Variants in DCDC1 observed in about 807,000 individuals in gnomAD.
DCDC1 encodes the protein doublecortin domain containing 1.
In DCDC1, 200 loss-of-function variants were observed where a neutral mutation model predicts 178.3. The ratio of observed to expected loss-of-function variants is 1.12; its 90% CI spans 1.00 to 1.26. The LOEUF is 1.26. Ranked by LOEUF, DCDC1 falls within the 50% of genes most tolerant of loss-of-function variation. The probability of loss-of-function intolerance (pLI) is 0.00; values close to 1 mark genes in which losing one functional copy is unlikely to be tolerated. For synonymous variants in DCDC1, 690 were observed against 604.8 expected (o/e 1.14, Z -2.07); for missense variants, 1,983 against 1,749.2 (o/e 1.13, Z -2.38).
At chr11:30,959,589 C>A (rs1948971112) in intron 20 of DCDC1, among the ~76,000 whole-genome samples, 1 of 152,120 alleles carries the variant, frequency 6.6e-6, no homozygotes, top group Non-Finnish European at 1.5e-5. Context: ...CTTCTTGGAG[C>A]TGACCAGTCA....
intron 22 of DCDC1, among the ~76,000 whole-genome samples, chr11:30,930,141 C>T (rs1946840502): frequency 6.6e-6 from 1 of 152,112 alleles, no homozygotes; most frequent in South Asian, 2.1e-4. Context: ...TAATATATGT[C>T]ACTAGAAGTT....
chr11:30,976,418 T>C (rs1474633158), intron 20 of DCDC1, among the ~76,000 whole-genome samples: 8 of 152,060 alleles, frequency 5.3e-5, no homozygotes, highest in African/African-American at 1.9e-4. Context: ...GGAGAAAATA[T>C]TTGCAAACTA....
intron 18 of DCDC1, among the ~76,000 whole-genome samples, chr11:31,070,235 C>T (rs1449121649): frequency 6.6e-6 from 1 of 152,178 alleles, no homozygotes; most frequent in South Asian, 2.1e-4. Context: ...ATCAGACCAC[C>T]AATACAGACA....
chr11:30,916,633 T>C (rs1208770322), intron 26 of DCDC1, among the ~76,000 whole-genome samples: 2 of 151,984 alleles, frequency 1.3e-5, no homozygotes, highest in Admixed American at 6.6e-5. Context: ...TACTGTTTAA[T>C]AGAAAAAAAC....
intron 20 of DCDC1, among the ~76,000 whole-genome samples, chr11:31,039,832 T>C (rs971136879): frequency 6.6e-6 from 1 of 152,182 alleles, no homozygotes; most frequent in African/African-American, 2.4e-5. Flanking sequence ...TGGCTCGTGA[T>C]AGTTGTTTCA....
chr11:30,876,246 T>G (rs1565011869), intron 38 of DCDC1, among the ~76,000 whole-genome samples: 1 of 152,220 alleles, frequency 6.6e-6, no homozygotes, highest in Non-Finnish European at 1.5e-5. Flanking sequence ...GATTCAAATT[T>G]GATAAACATG....
Position 31,012,401 on chromosome 11 carries a change from G to A in DCDC1, c.2591+52068C>T, listed in dbSNP as rs574291912. ...TCACTTGAGCCCAGGAGGAGTTAGA[G>A]ACCAGCCTGGGTAACACAGTGAGAC... On this transcript the variant is annotated intron_variant, in intron 20 of 38. Coordinates refer to ENST00000684477, the MANE Select transcript of DCDC1 (RefSeq NM_001387274.1). Among the ~76,000 whole-genome samples the A allele has an allele frequency of 1.4e-4, 21 of 152,140 alleles. No homozygotes were observed. The South Asian group carries it at 3.9e-3, about 29-fold the overall frequency.
chr11:31,009,505 G>C (rs890744831), intron 20 of DCDC1, among the ~76,000 whole-genome samples: 1 of 151,700 alleles, frequency 6.6e-6, no homozygotes, highest in Non-Finnish European at 1.5e-5. Flanking sequence ...TGTCTATGGA[G>C]GCTGAGAAAT....
At chr11:30,976,954 CG>C (rs892210426) in intron 20 of DCDC1, among the ~76,000 whole-genome samples, 1 of 151,866 alleles carries the variant, frequency 6.6e-6, no homozygotes, top group East Asian at 1.9e-4. Flanking sequence ...GTGGACAAAT[CG>C]ACAAAGAAAA....
intron 18 of DCDC1, among the ~76,000 whole-genome samples, chr11:31,076,301 T>A (rs1314902374): frequency 6.6e-6 from 1 of 152,198 alleles, no homozygotes; most frequent in African/African-American, 2.4e-5. Flanking sequence ...TATAATTCTT[T>A]CAATGAAAAT....
chr11:31,173,443 C>T, intron 9 of DCDC1, among the ~76,000 whole-genome samples: 1 of 152,102 alleles, frequency 6.6e-6, no homozygotes, highest in Non-Finnish European at 1.5e-5. Flanking sequence ...ATTTTAAGTT[C>T]TCCAACACTT....
At chr11:31,333,704 G>C (rs562889331) in intron 2 of DCDC1, among the ~76,000 whole-genome samples, 2 of 152,220 alleles carry the variant, frequency 1.3e-5, no homozygotes, top group Admixed American at 1.3e-4. Context: ...ATGAATATTG[G>C]ACCCCACACT....
intron 20 of DCDC1, among the ~76,000 whole-genome samples, chr11:31,020,411 C>T (rs1402333366): frequency 2.0e-5 from 3 of 152,156 alleles, no homozygotes; most frequent in South Asian, 4.2e-4. Context: ...AAACAGCACC[C>T]ATGACAACTC....
At chr11:31,343,936 T>C (rs1950682981) in intron 1 of DCDC1, among the ~76,000 whole-genome samples, 1 of 151,684 alleles carries the variant, frequency 6.6e-6, no homozygotes, top group East Asian at 1.9e-4. Flanking sequence ...AATAAATAAA[T>C]AAATAAATAA....
intron 20 of DCDC1, among the ~76,000 whole-genome samples, chr11:31,017,936 T>C (rs983139035): frequency 1.7e-4 from 26 of 152,200 alleles, no homozygotes; most frequent in Non-Finnish European, 7.3e-5. Context: ...GAATAAGCAA[T>C]AAGATCGGAT....
intron 33 of DCDC1, 67 bp downstream of exon 33, chr11:30,900,279 G>A: frequency 7.8e-7 from 1 of 1,279,136 alleles, no homozygotes; most frequent in Non-Finnish European, 1.0e-6. Flanking sequence ...TTCTTATGAT[G>A]GCATAAAATG....
At chr11:31,034,145 A>AAAG (rs1953863495) in intron 20 of DCDC1, among the ~76,000 whole-genome samples, 1 of 149,238 alleles carries the variant, frequency 6.7e-6, no homozygotes, top group African/African-American at 2.4e-5. Flanking sequence ...CTCTGTCTCA[A>AAAG]AAAAAAAAAA....
In DCDC1 at chr11:31,307,785, A is replaced by G. The variant is rs371179766; in HGVS notation, c.288T>C (p.Asp96=). 204 of 1,613,960 alleles carry G rather than the reference A, an allele frequency of 1.3e-4. No individual in the cohort carries two copies. The highest frequency in any genetic ancestry group is 1.6e-4 in the Non-Finnish European group (184 of 1,179,994). Residue 96 remains aspartate (D), a synonymous_variant, in exon 4 of 39, where the codon GAT becomes GAC. Coordinates refer to ENST00000684477, the MANE Select transcript of DCDC1 (RefSeq NM_001387274.1). ...AAVSEGSGLQ[D]CSTHQTASDH... is the part of the protein sequence containing the mutation. ...CTGATGCTGTTTGATGTGTGGAGCA[A>G]TCTTGAAGTCCTGACCCTTCTGATA...
intron 9 of DCDC1, among the ~76,000 whole-genome samples, chr11:31,189,357 C>A (rs1565406612): frequency 6.6e-6 from 1 of 152,116 alleles, no homozygotes; most frequent in Non-Finnish European, 1.5e-5. Context: ...TGCAACCATA[C>A]TGCTATTGAA....
Sources: allele counts gnomAD v4.1 joint callset (sites outside exome capture counted in the v4.1 genomes callset), GRCh38; gene constraint gnomAD v4.1.1; transcripts MANE v1.5; gene names NCBI Gene and HGNC (gene_info 2026-07-23, HGNC 2026-07-21).